Variants in RUNDC1 observed in about 807,000 individuals in gnomAD.
RUNDC1 encodes RUN domain containing 1, also known as RUN domain-containing protein 1.
Under a neutral mutation model 49.3 loss-of-function variants are expected in RUNDC1, and 31 were observed. That is an observed-to-expected ratio of 0.63 (90% CI 0.47 to 0.85). The LOEUF (loss-of-function observed/expected upper bound fraction) is 0.85, where lower values mean the gene tolerates loss of function less well. Ranked by LOEUF, RUNDC1 falls within the 40% of genes least tolerant of loss-of-function variation. RUNDC1 has a pLI of 0.00. For missense variants in RUNDC1, 715 were observed against 806.7 expected, an observed-to-expected ratio of 0.89 and a Z score of 1.38; for synonymous variants, 347 against 348.6, an observed-to-expected ratio of 1.00 and a Z score of 0.05.
Position 42,987,250 on chromosome 17 carries a change from C to G in RUNDC1, c.499-6C>G, listed in dbSNP as rs2050183399. 2 of 1,613,646 alleles carry G rather than the reference C, an allele frequency of 1.2e-6. No homozygotes were observed. Among genetic ancestry groups the G allele is most frequent in the South Asian group, 1.1e-5 (1 of 91,042 alleles). ...CATAATAGACCCAATTATTTTCTTG[C>G]CTTAGAGTGAGCAGGAAAAGCAAGA... On this transcript the variant is annotated splice_polypyrimidine_tract_variant and splice_region_variant and intron_variant, in intron 1 of 4. Coordinates refer to ENST00000361677, the MANE Select transcript of RUNDC1 (RefSeq NM_173079.5).
rs2050163199 is a variant in RUNDC1 at position 42,985,757 on chromosome 17, T to A, written c.499-1499T>A. The A allele has an allele frequency of 3.4e-6, 3 of 879,908 alleles. No individual in the cohort carries two copies. In the South Asian group the frequency reaches 1.6e-4, roughly 46 times the overall value. 54.5% of individuals were successfully genotyped at this position (879,908 alleles called of 1,614,324 possible). A position where few individuals can be genotyped will look rare whatever the true frequency, so the allele number is the denominator to read the frequency against. ...ATTTGCTGGTTTTGCTTTTTGTTTT[T>A]GAGACTCAAGAAAGACAAGGAAGAA... is the stretch of plus-strand genomic sequence containing the variant. On this transcript the variant is annotated intron_variant, in intron 1 of 4. Transcript: ENST00000361677.
At chr17:42,988,640 T>C (rs940492695) in intron 2 of RUNDC1, among the ~76,000 whole-genome samples, 5 of 152,152 alleles carry the variant, frequency 3.3e-5, no homozygotes, top group South Asian at 2.1e-4. Flanking sequence ...GATTTTTCTT[T>C]AGTTGCCTAC....
rs2050222028 is a variant in RUNDC1 at position 42,990,354 on chromosome 17, CTG to C, written c.897_898del (p.Cys299Ter). The part of the protein sequence containing the change: ...GSPLQTGGGH[C>X]ECKAGGKTGN... ...GCCCCTTGCAGACAGGTGGTGGACA[CTG>C]TGAGTGCAAGGCCGGTGGGAAGACA... is the stretch of plus-strand genomic sequence containing the variant. On this transcript the variant is annotated frameshift_variant, in exon 4 of 5. Transcript: ENST00000361677. LOFTEE classifies it high-confidence loss of function. 1.9e-6 allele frequency: 3 copies of C among 1,614,096 alleles called. No individual in the cohort carries two copies. Among genetic ancestry groups the C allele is most frequent in the Non-Finnish European group, 2.5e-6 (3 of 1,180,020 alleles).
intron 1 of RUNDC1, among the ~76,000 whole-genome samples, chr17:42,986,378 G>T (rs2050171558): frequency 6.6e-6 from 1 of 152,114 alleles, no homozygotes; most frequent in African/African-American, 2.4e-5. Flanking sequence ...TGGCCTCCCA[G>T]AGTGCTGCAG....
chr17:42,994,513 A>G lies in RUNDC1; in HGVS notation c.*2797A>G, dbSNP rs761393653. Reference sequence around the variant, plus strand: ...GTCTATCTTTTCACTTCATTGTATCATGTTGTTTCTAGATTTTGGTTTCTC... The same window carrying G: ...GTCTATCTTTTCACTTCATTGTATCGTGTTGTTTCTAGATTTTGGTTTCTC... On this transcript the variant is annotated 3_prime_UTR_variant, in exon 5 of 5. Transcript: ENST00000361677. Among the ~76,000 whole-genome samples the G allele has an allele frequency of 6.6e-6, 1 of 152,106 alleles. No individual in the cohort carries two copies. Among genetic ancestry groups the G allele is most frequent in the Non-Finnish European group, 1.5e-5 (1 of 68,032 alleles).
At position 42,991,269 on chromosome 17, in the gene RUNDC1, G is replaced by C. The variant is rs1250478162; in HGVS notation, c.1395G>C (p.Ser465=). ...PIACLLPAFS[S]APEAMHPWEL... is the part of the protein sequence containing the mutation. ...CTTGTTTGCTGCCAGCCTTCTCCTC[G>C]GCCCCAGAGGCCATGCACCCGTGGG... Residue 465 remains serine, a synonymous_variant, in exon 5 of 5, where the codon TCG becomes TCC. Coordinates refer to ENST00000361677, the MANE Select transcript of RUNDC1 (RefSeq NM_173079.5). 6.2e-6 allele frequency: 10 copies of C among 1,613,964 alleles called. No homozygotes were observed. Among genetic ancestry groups the C allele is most frequent in the Non-Finnish European group, 8.5e-6 (10 of 1,180,036 alleles).
At position 42,991,937 on chromosome 17, in the gene RUNDC1, G is replaced by A. The variant is rs543091773; in HGVS notation, c.*221G>A. The A allele has an allele frequency of 3.1e-5, 17 of 542,364 alleles. No individual in the cohort carries two copies. The highest frequency in any genetic ancestry group is 7.6e-5 in the African/African-American group (4 of 52,586). The allele number at this position is 542,364 out of a possible 1,614,324, so 33.6% of individuals were successfully genotyped here. On this transcript the variant is annotated 3_prime_UTR_variant, in exon 5 of 5. Coordinates refer to ENST00000361677, the MANE Select transcript of RUNDC1 (RefSeq NM_173079.5). ...CTTGTTAAGAAGGTTCTGCCAGGCCGGGCGCGGTGGCTCACACCTGTAATC... is the reference window on the plus strand; with the variant it reads ...CTTGTTAAGAAGGTTCTGCCAGGCCAGGCGCGGTGGCTCACACCTGTAATC...
At chr17:42,985,625 T>G in intron 1 of RUNDC1, 8 of 344,908 alleles carry the variant, frequency 2.3e-5, no homozygotes, top group Non-Finnish European at 2.2e-5. Context: ...TTTTCATTTC[T>G]TCTCTCTCAT....
chr17:42,985,476 T>A (rs908698928), intron 1 of RUNDC1, among the ~76,000 whole-genome samples: 1 of 152,158 alleles, frequency 6.6e-6, no homozygotes, highest in Admixed American at 6.5e-5. Context: ...TCTAACAGTA[T>A]GCAACTGCGC....
chr17:42,988,214 C>T (rs2050194720), intron 2 of RUNDC1, among the ~76,000 whole-genome samples: 1 of 151,450 alleles, frequency 6.6e-6, no homozygotes, highest in Non-Finnish European at 1.5e-5. Context: ...TACCCCTGTG[C>T]TGTGGCTGTT....
At position 42,994,029 on chromosome 17, in the gene RUNDC1, T is replaced by C. The variant is rs1001289871; in HGVS notation, c.*2313T>C. 4.6e-5 allele frequency among the ~76,000 whole-genome samples: 7 copies of C among 152,142 alleles called. No homozygotes were observed. The East Asian group carries it at 1.3e-3, about 29-fold the overall frequency. On this transcript the variant is annotated 3_prime_UTR_variant, in exon 5 of 5. Coordinates refer to ENST00000361677, the MANE Select transcript of RUNDC1 (RefSeq NM_173079.5). ...CGCCTGCCACCACGCCTGGCTAATG[T>C]TTGTATTTTTAATAGAGAGGGTTTC...
In RUNDC1 at chr17:42,990,843, C is replaced by CT; in HGVS notation, c.977-7dup. On this transcript the variant is annotated splice_polypyrimidine_tract_variant and splice_region_variant and intron_variant, in intron 4 of 4. Coordinates refer to ENST00000361677, the MANE Select transcript of RUNDC1 (RefSeq NM_173079.5). ...TCTCACTGATGAGCCACTGTCTTTT[C>CT]TAAGCAGCAAAGGCAGAGGATGTGA... 1 of 1,575,762 alleles carries CT rather than the reference C, an allele frequency of 6.3e-7. No individual in the cohort carries two copies. Among genetic ancestry groups the CT allele is most frequent in the Non-Finnish European group, 8.6e-7 (1 of 1,157,058 alleles).
chr17:42,991,655 A>C lies in RUNDC1; in HGVS notation c.1781A>C (p.Lys594Thr). Residue 594 changes from lysine (K) to threonine (T), a missense_variant, in exon 5 of 5, where the codon AAG becomes ACG. Lys to Thr is a moderately conservative substitution (Grantham distance 78). Transcript: ENST00000361677. ...LNLLSRLSSL[K>T]FSLPVDLAVR... is the part of the protein sequence containing the mutation. ...CTGCTCAGTCGCCTCAGCAGCCTCA[A>C]GTTTAGCCTCCCTGTAGATCTGGCT... 1 of 1,614,046 alleles carries C rather than the reference A, an allele frequency of 6.2e-7. No individual in the cohort carries two copies. Among genetic ancestry groups the C allele is most frequent in the Middle Eastern group, 1.6e-4 (1 of 6,062 alleles).
rs2050209222 is a variant in RUNDC1, at chr17:42,989,407, A to G, written c.724A>G (p.Thr242Ala). 1.9e-6 allele frequency: 3 copies of G among 1,614,112 alleles called. No homozygotes were observed. Among genetic ancestry groups the G allele is most frequent in the Non-Finnish European group, 1.7e-6 (2 of 1,179,986 alleles). ...GAATGAGGACATCAGTTCCCTGTCC[A>G]CTGAAGAGCTTCGTCAGCGTGTAGA... ...NLNEDISSLS[T>A]EELRQRVDAA... The change falls in exon 3 of 5, where the codon ACT (threonine) becomes GCT (alanine). Residue 242 changes from threonine (T) to alanine (A), a missense_variant. Coordinates refer to ENST00000361677, the MANE Select transcript of RUNDC1 (RefSeq NM_173079.5).
chr17:42,980,829 G>C lies in RUNDC1; in HGVS notation c.253G>C (p.Ala85Pro). The C allele has an allele frequency of 5.8e-6, 8 of 1,379,004 alleles. No individual in the cohort carries two copies. The highest frequency in any genetic ancestry group is 7.4e-6 in the Non-Finnish European group (8 of 1,077,364). The allele number at this position is 1,379,004 out of a possible 1,614,324, so 85.4% of individuals were successfully genotyped here. A position where few individuals can be genotyped will look rare whatever the true frequency, so the allele number is the denominator to read the frequency against. Residue 85 changes from alanine (A) to proline (P), a missense_variant, in exon 1 of 5, where the codon GCA (alanine) becomes CCA (proline). Physicochemically the swap from Ala to Pro is conservative, Grantham distance 27. This residue lies in a region of RUNDC1 where 153 missense variants were observed against 139.4 expected (regional missense o/e 1.10). Coordinates refer to ENST00000361677, the MANE Select transcript of RUNDC1 (RefSeq NM_173079.5). Reference sequence around the variant, plus strand: ...GGGCCGGACGCTGCGGCGGCTGCGGGCAGAGCGGCGGCGGCTGGACTCGGC... The same window carrying C: ...GGGCCGGACGCTGCGGCGGCTGCGGCCAGAGCGGCGGCGGCTGGACTCGGC... ...SPGRTLRRLR[A>P]ERRRLDSALL...
Position 42,991,593 on chromosome 17 carries a change from C to T in RUNDC1, c.1719C>T (p.Ser573=). 1 of 1,614,200 alleles carries T rather than the reference C, an allele frequency of 6.2e-7. No homozygotes were observed. The highest frequency in any genetic ancestry group is 8.5e-7 in the Non-Finnish European group (1 of 1,180,036). The change falls in exon 5 of 5, where the codon AGC becomes AGT. Residue 573 remains serine, a synonymous_variant. Coordinates refer to ENST00000361677, the MANE Select transcript of RUNDC1 (RefSeq NM_173079.5). ...TCGAGCCTCACTACCAGCCCTGGAG[C>T]TACATGGCACACACAGGCTTTGAGA... The part of the protein sequence containing the change: ...SLIEPHYQPW[S]YMAHTGFESA...
At position 42,987,371 on chromosome 17, in the gene RUNDC1, G is replaced by A. The variant is rs763528529; in HGVS notation, c.614G>A (p.Ser205Asn). 22 of 1,614,060 alleles carry A rather than the reference G, an allele frequency of 1.4e-5. No individual in the cohort carries two copies. The South Asian group carries it at 2.4e-4, about 18-fold the overall frequency. Residue 205 changes from serine to asparagine, a missense_variant, in exon 2 of 5, where the codon AGT becomes AAT. Around this residue, in one of 5 missense-constraint regions of RUNDC1, gnomAD observed 15 missense variants for 47.9 expected, o/e 0.31. Transcript: ENST00000361677. ...DLETFAYQEG[S>N]YDSLPQSVVL... The stretch of plus-strand genomic sequence containing the variant: ...GAAACGTTTGCCTATCAAGAGGGCA[G>A]TTATGACTCGCTGCCACAGTCCGTG...
Position 42,980,778 on chromosome 17 carries a change from G to T in RUNDC1, c.202G>T (p.Ala68Ser). The T allele has an allele frequency of 6.9e-7, 1 of 1,439,194 alleles. No individual in the cohort carries two copies. The highest frequency in any genetic ancestry group is 9.0e-7 in the Non-Finnish European group (1 of 1,105,888). 89.2% of individuals were successfully genotyped at this position (1,439,194 alleles called of 1,614,324 possible). ...GGCGACGGCCGAGGAGCCTGGCGCG[G>T]CCCCGGGCTCCCCGCCGGATTCGCC... Reference protein sequence around the residue: ...EEATAEEPGAAPGSPPDSPGR... With the variant: ...EEATAEEPGASPGSPPDSPGR... Residue 68 changes from alanine (A) to serine (S), a missense_variant, in exon 1 of 5, where the codon GCC (alanine) becomes TCC (serine). By Grantham distance (99) the Ala-to-Ser change is moderately conservative (BLOSUM62 1). Around this residue, in one of 5 missense-constraint regions of RUNDC1, gnomAD observed 153 missense variants for 139.4 expected, o/e 1.10. Transcript: ENST00000361677.
intron 1 of RUNDC1, among the ~76,000 whole-genome samples, chr17:42,986,607 C>T (rs2050175364): frequency 2.0e-5 from 3 of 152,156 alleles, no homozygotes; most frequent in Admixed American, 2.0e-4. Context: ...ACGCCATCCT[C>T]CTGCTTCAGC....
Sources: gnomAD v4.1 joint callset for allele counts (sites outside exome capture counted in the v4.1 genomes callset) on GRCh38, gnomAD v4.1.1 for gene constraint, gnomAD v4.1.1 regional missense constraint, MANE v1.5 for transcripts, NCBI Gene and HGNC (gene_info 2026-07-23, HGNC 2026-07-21) for gene names.